The following GABRB1 variants were observed in gnomAD, a reference collection of about 807,000 sequenced individuals.
The protein encoded by GABRB1 is gamma-aminobutyric acid type A receptor subunit beta1.
GABRB1 carries 17 observed loss-of-function variants against 51.6 expected under a neutral mutation model. That is an observed-to-expected ratio of 0.33 (90% confidence interval 0.23 to 0.49). The LOEUF (loss-of-function observed/expected upper bound fraction) is 0.49. Ranked by LOEUF, GABRB1 falls within the 20% of genes least tolerant of loss-of-function variation. The probability of loss-of-function intolerance (pLI) is 0.99; values close to 1 mark genes in which losing one functional copy is unlikely to be tolerated. For synonymous variants in GABRB1, 247 were observed against 218.9 expected (o/e 1.13, Z -1.14); for missense variants, 410 against 600.6 (o/e 0.68, Z 3.32).
intron 5 of GABRB1, among the ~76,000 whole-genome samples, chr4:47,335,577 A>C (rs568746710): frequency 1.3e-5 from 2 of 152,062 alleles, no homozygotes; most frequent in Non-Finnish European, 2.9e-5. Flanking sequence ...TTACAATAAA[A>C]CTAAATTTTC....
intron 4 of GABRB1, among the ~76,000 whole-genome samples, chr4:47,185,522 TATG>T (rs1328265297): frequency 4.0e-5 from 6 of 151,760 alleles, no homozygotes; most frequent in Non-Finnish European, 7.4e-5. Flanking sequence ...CTTCCTGACA[TATG>T]ATATATAGAG....
intron 3 of GABRB1, among the ~76,000 whole-genome samples, chr4:47,033,193 A>G (rs939131849): frequency 6.6e-6 from 1 of 152,226 alleles, no homozygotes; most frequent in African/African-American, 2.4e-5. Context: ...GCATGCCTAA[A>G]AATCCTGATA....
In GABRB1 at chr4:47,189,068, A is replaced by G. The variant is rs576618561; in HGVS notation, c.461+27599A>G. 3.3e-5 allele frequency among the ~76,000 whole-genome samples: 5 copies of G among 152,122 alleles called. No individual in the cohort carries two copies. In the South Asian group the frequency reaches 1.0e-3, roughly 32 times the overall value. ...ATGAGTCCTGAGCGTGGAAAGGGCC[A>G]CAAAGCAATAGGAGCCTAGGTCTTC... On this transcript the variant is annotated intron_variant, in intron 4 of 8. Transcript: ENST00000295454.
chr4:47,219,071 C>T (rs1323118253), intron 4 of GABRB1, among the ~76,000 whole-genome samples: 1 of 151,730 alleles, frequency 6.6e-6, no homozygotes, highest in African/African-American at 2.4e-5. Context: ...TTTTAACAAC[C>T]TCCCTCCTAT....
At chr4:47,082,705 G>A (rs545702144) in intron 3 of GABRB1, among the ~76,000 whole-genome samples, 40 of 152,122 alleles carry the variant, frequency 2.6e-4, no homozygotes, top group Non-Finnish European at 5.3e-4. Flanking sequence ...TAGGGATACT[G>A]GGGTATACTG....
At chr4:47,373,733 C>T (rs1243440710) in intron 5 of GABRB1, among the ~76,000 whole-genome samples, 1 of 152,118 alleles carries the variant, frequency 6.6e-6, no homozygotes. Flanking sequence ...ATTGTGGCAA[C>T]TATGTGGGAA....
chr4:47,037,788 T>C (rs1360184386), intron 3 of GABRB1, among the ~76,000 whole-genome samples: 1 of 152,182 alleles, frequency 6.6e-6, no homozygotes, highest in Non-Finnish European at 1.5e-5. Flanking sequence ...TGCTATACAA[T>C]TCTTACCCCT....
At chr4:47,009,961 A>G (rs1354305157) in intron 1 of GABRB1, among the ~76,000 whole-genome samples, 2 of 152,230 alleles carry the variant, frequency 1.3e-5, no homozygotes, top group Non-Finnish European at 2.9e-5. Context: ...TAAAGGCTCT[A>G]CTAAACAGTT....
intron 3 of GABRB1, among the ~76,000 whole-genome samples, chr4:47,122,251 T>C (rs1715809619): frequency 6.6e-6 from 1 of 152,226 alleles, no homozygotes; most frequent in African/African-American, 2.4e-5. Flanking sequence ...AAATTTTTAG[T>C]TGACAGTGTT....
chr4:47,373,270 T>G (rs1727270259), intron 5 of GABRB1, among the ~76,000 whole-genome samples: 1 of 152,232 alleles, frequency 6.6e-6, no homozygotes, highest in South Asian at 2.1e-4. Context: ...TCTTCCATTC[T>G]TTTTATTTGA....
intron 5 of GABRB1, among the ~76,000 whole-genome samples, chr4:47,354,772 T>A (rs1024945739): frequency 4.6e-5 from 7 of 152,006 alleles, no homozygotes; most frequent in African/African-American, 9.6e-5. Flanking sequence ...ACTTTTTTTT[T>A]AAACTGCAAA....
intron 1 of GABRB1, among the ~76,000 whole-genome samples, chr4:47,002,946 G>A (rs1724275403): frequency 6.6e-6 from 1 of 152,150 alleles, no homozygotes; most frequent in African/African-American, 2.4e-5. Flanking sequence ...TATCAGAGAA[G>A]GATTTGGGAC....
intron 5 of GABRB1, among the ~76,000 whole-genome samples, chr4:47,396,286 ACT>A (rs563991867): frequency 5.1e-4 from 77 of 152,076 alleles, no homozygotes; most frequent in Non-Finnish European, 1.0e-3. Context: ...AGACTTACTC[ACT>A]ATCAGGAGAA....
At chr4:47,188,304 C>A (rs995240904) in intron 4 of GABRB1, among the ~76,000 whole-genome samples, 2 of 151,980 alleles carry the variant, frequency 1.3e-5, no homozygotes, top group African/African-American at 4.8e-5. Flanking sequence ...AGTTCACAAG[C>A]TACTCAGTGA....
intron 4 of GABRB1, among the ~76,000 whole-genome samples, chr4:47,260,695 C>T (rs569439964): frequency 1.1e-4 from 16 of 152,168 alleles, no homozygotes; most frequent in East Asian, 3.9e-4. Context: ...CCAAGAGATC[C>T]GCTGTTAGTC....
At chr4:47,403,953 TTAAG>T (rs1386431810) in intron 7 of GABRB1, among the ~76,000 whole-genome samples, 1 of 152,226 alleles carries the variant, frequency 6.6e-6, no homozygotes, top group African/African-American at 2.4e-5. Context: ...CTAGCACTAC[TTAAG>T]TGTCTCATGG....
intron 3 of GABRB1, among the ~76,000 whole-genome samples, chr4:47,066,717 T>C (rs1200795931): frequency 1.3e-5 from 2 of 152,206 alleles, no homozygotes; most frequent in African/African-American, 4.8e-5. Context: ...CTGCTATTTC[T>C]ATACATCTGT....
intron 4 of GABRB1, among the ~76,000 whole-genome samples, chr4:47,166,219 A>G (rs890185069): frequency 2.6e-5 from 4 of 152,114 alleles, no homozygotes; most frequent in Non-Finnish European, 2.9e-5. Flanking sequence ...CAGTTGACTC[A>G]GGAATAACAT....
intron 4 of GABRB1, among the ~76,000 whole-genome samples, chr4:47,212,235 C>A (rs970910190): frequency 6.6e-6 from 1 of 152,224 alleles, no homozygotes; most frequent in Admixed American, 6.5e-5. Context: ...TGCTCTTCCA[C>A]CTCTGATCTC....
Sources: gnomAD v4.1 joint callset for allele counts (sites outside exome capture counted in the v4.1 genomes callset) on GRCh38, gnomAD v4.1.1 for gene constraint, MANE v1.5 for transcripts, NCBI Gene and HGNC (gene_info 2026-07-23, HGNC 2026-07-21) for gene names.